Variants in GATB observed in about 807,000 individuals in gnomAD.
GATB encodes the protein glutamyl-tRNA amidotransferase subunit B.
Under a neutral mutation model 62.3 loss-of-function variants are expected in GATB, and 39 were observed. The observed-to-expected ratio is 0.63, with a 90% CI of 0.48 to 0.82. GATB has a LOEUF of 0.82. Ranked by LOEUF, GATB falls within the 40% of genes least tolerant of loss-of-function variation. GATB has a pLI of 0.00. For synonymous variants in GATB, 276 were observed against 258.9 expected (o/e 1.07, Z -0.63); for missense variants, 670 against 684.0 (o/e 0.98, Z 0.23).
intron 2 of GATB, chr4:151,723,532 C>G (rs1739071559): frequency 6.6e-6 from 1 of 152,226 alleles, no homozygotes; most frequent in Admixed American, 6.5e-5. Context: ...GATGCTATTT[C>G]TAATGTGTTT....
intron 10 of GATB, among the ~76,000 whole-genome samples, chr4:151,683,255 T>C (rs1220503257): frequency 2.6e-5 from 4 of 152,220 alleles, no homozygotes; most frequent in African/African-American, 9.6e-5. Context: ...ACATGCCATC[T>C]GGATTCTGTG....
At chr4:151,710,317 C>T (rs922124559) in intron 5 of GATB, among the ~76,000 whole-genome samples, 2 of 152,218 alleles carry the variant, frequency 1.3e-5, no homozygotes, top group Non-Finnish European at 2.9e-5. Context: ...CTGACGTATA[C>T]ATATGCAATA....
chr4:151,712,969 C>T (rs28608075), intron 5 of GATB, among the ~76,000 whole-genome samples: 19,958 of 152,204 alleles, frequency 0.13, 1,462 homozygotes, highest in African/African-American at 0.19. Context: ...AGACAAGCTT[C>T]ATCTGTATTT....
intron 2 of GATB, among the ~76,000 whole-genome samples, chr4:151,735,421 A>G (rs1229595552): frequency 3.3e-5 from 5 of 152,076 alleles, no homozygotes; most frequent in African/African-American, 1.2e-4. Context: ...GAAGGGCCAT[A>G]ATCAAAAAAT....
chr4:151,716,274 C>CA, intron 4 of GATB, 143 bp from the exon 5 acceptor site: 2 of 798,202 alleles, frequency 2.5e-6, no homozygotes, highest in Non-Finnish European at 3.6e-6. Flanking sequence ...TCTTCCCTCC[C>CA]ACCTTTTTTT....
At position 151,758,664 on chromosome 4, in the gene GATB, A is replaced by G. The variant is rs3828546; in HGVS notation, c.327+108T>C. ...CCGCTTCACCCAAAACTCCCTAAAT[A>G]AGTATTTCCAAAGAGTTGTGTTATT... On this transcript the variant is annotated intron_variant, in intron 2 of 12. Transcript: ENST00000263985. 363,523 of 938,304 alleles carry G rather than the reference A, an allele frequency of 0.39. 72,809 individuals carry two copies. The highest frequency in any genetic ancestry group is 0.58 in the South Asian group (26,677 of 46,242). 58.1% of individuals were successfully genotyped at this position (938,304 alleles called of 1,614,324 possible).
chr4:151,728,888 A>G (rs1437175529), intron 2 of GATB, among the ~76,000 whole-genome samples: 2 of 152,336 alleles, frequency 1.3e-5, no homozygotes, highest in East Asian at 3.8e-4. Flanking sequence ...AGTATTCACT[A>G]TTGATATGAA....
chr4:151,675,518 C>T (rs928878358), intron 11 of GATB: 1 of 152,230 alleles, frequency 6.6e-6, no homozygotes, highest in Non-Finnish European at 1.5e-5. Context: ...GCGGCCCTGT[C>T]TCCAGGCCAG....
At chr4:151,747,676 T>A (rs978693800) in intron 2 of GATB, among the ~76,000 whole-genome samples, 1 of 152,202 alleles carries the variant, frequency 6.6e-6, no homozygotes, top group African/African-American at 2.4e-5. Flanking sequence ...CACAACAGAT[T>A]ACTGACAAGG....
intron 4 of GATB, chr4:151,716,384 G>C (rs543023444): frequency 4.6e-6 from 2 of 431,304 alleles, no homozygotes; most frequent in Non-Finnish European, 8.2e-6. Context: ...TTGAGCTCAA[G>C]TGATCCTCCC....
chr4:151,724,045 T>C (rs939939797), intron 2 of GATB: 1 of 152,168 alleles, frequency 6.6e-6, no homozygotes, highest in Non-Finnish European at 1.5e-5. Context: ...ATCTAGCTCA[T>C]AAGGCAGCAT....
intron 2 of GATB, chr4:151,721,846 G>A (rs1016345266): frequency 1.6e-5 from 4 of 245,270 alleles, no homozygotes; most frequent in Admixed American, 5.6e-5. Flanking sequence ...GAAGAGTTGA[G>A]GACCATCACA....
At chr4:151,681,719 A>G (rs557126919) in intron 10 of GATB, among the ~76,000 whole-genome samples, 1 of 152,316 alleles carries the variant, frequency 6.6e-6, no homozygotes, top group South Asian at 2.1e-4. Flanking sequence ...CTTATAAACC[A>G]TGGAAACTTT....
chr4:151,704,241 A>G (rs763901523), intron 7 of GATB, among the ~76,000 whole-genome samples: 1 of 152,224 alleles, frequency 6.6e-6, no homozygotes, highest in Non-Finnish European at 1.5e-5. Context: ...AAAATAAGGC[A>G]TCTCTACAAC....
At chr4:151,731,471 C>T (rs1739249018) in intron 2 of GATB, among the ~76,000 whole-genome samples, 1 of 152,174 alleles carries the variant, frequency 6.6e-6, no homozygotes, top group Non-Finnish European at 1.5e-5. Context: ...GCTACAACCT[C>T]CACCTCCCAG....
chr4:151,705,842 T>C (rs1379840878), intron 6 of GATB, among the ~76,000 whole-genome samples: 5 of 152,180 alleles, frequency 3.3e-5, no homozygotes, highest in Non-Finnish European at 5.9e-5. Context: ...TGCTTTTTTT[T>C]TCTTTTTTTG....
chr4:151,754,874 G>C (rs1226710692), intron 2 of GATB, among the ~76,000 whole-genome samples: 1 of 152,094 alleles, frequency 6.6e-6, no homozygotes, highest in Non-Finnish European at 1.5e-5. Flanking sequence ...GTTAGTTTTT[G>C]TTGGCAGATC....
chr4:151,679,982 T>G, intron 10 of GATB, 91 bp from the exon 11 acceptor site: 1 of 1,154,590 alleles, frequency 8.7e-7, no homozygotes. Context: ...CTTGCTCTAG[T>G]GGGGGTAAAT....
At chr4:151,673,114 C>CT (rs1354753179) in intron 11 of GATB, 48 of 526,886 alleles carry the variant, frequency 9.1e-5, no homozygotes, top group Admixed American at 4.7e-4. Context: ...GGGAACAAGG[C>CT]CAGCTAGGTG....
Sources: allele counts gnomAD v4.1 joint callset (sites outside exome capture counted in the v4.1 genomes callset), GRCh38; gene constraint gnomAD v4.1.1; transcripts MANE v1.5; gene names NCBI Gene and HGNC (gene_info 2026-07-23, HGNC 2026-07-21).